Variants in ZNF845 observed in about 807,000 individuals in gnomAD.
ZNF845 encodes zinc finger protein 845.
A neutral mutation model predicts 76.1 loss-of-function variants in ZNF845; 59 were observed. That is an observed-to-expected ratio of 0.78 (90% CI 0.63 to 0.96). ZNF845 has a LOEUF of 0.96. ZNF845 is among the 40% of genes least tolerant of loss of function. The probability of loss-of-function intolerance (pLI) is 0.00; values close to 1 mark genes in which losing one functional copy is unlikely to be tolerated. For synonymous variants in ZNF845, 361 were observed against 386.9 expected (o/e 0.93, Z 0.78); for missense variants, 1,045 against 1,172.8 (o/e 0.89, Z 1.59).
intron 1 of ZNF845, chr19:53,340,730 A>C: frequency 3.4e-6 from 1 of 293,838 alleles, no homozygotes; most frequent in Non-Finnish European, 6.2e-6. Context: ...GTGGGAGAAA[A>C]ATGTTAGAAG....
In ZNF845 at chr19:53,351,959, C is replaced by T. The variant is rs775996236; in HGVS notation, c.1284C>T (p.Tyr428=). Residue 428 remains tyrosine, a synonymous_variant, in exon 4 of 4, where the codon TAC becomes TAT. Transcript: ENST00000458035. ...TCAGTCAGATGTCATCCCTTGTATACCATCGTAGACTTCATACTGGAGAGA... is the reference window on the plus strand; with the variant it reads ...TCAGTCAGATGTCATCCCTTGTATATCATCGTAGACTTCATACTGGAGAGA... ...KTFSQMSSLV[Y]HRRLHTGEKP... The T allele has an allele frequency of 1.9e-6, 3 of 1,613,600 alleles. No homozygotes were observed. In the Admixed American group the frequency reaches 5.0e-5, roughly 27 times the overall value.
Position 53,355,160 on chromosome 19 carries a change from C to T in ZNF845, c.*1572C>T, listed in dbSNP as rs2085376019. 6.6e-6 allele frequency: 1 copy of T among 151,958 alleles called. No individual in the cohort carries two copies. Among genetic ancestry groups the T allele is most frequent in the Non-Finnish European group, 1.5e-5 (1 of 68,028 alleles). 9.4% of individuals were successfully genotyped at this position (151,958 alleles called of 1,614,324 possible). On this transcript the variant is annotated 3_prime_UTR_variant, in exon 4 of 4. Transcript: ENST00000458035. ...CTCCTGACTTCAGGTGATCCGCCCC[C>T]ATCAGCATCCCAAAGTTCTGGGATT...
chr19:53,337,828 A>T (rs1160268783), intron 1 of ZNF845, among the ~76,000 whole-genome samples: 1 of 151,198 alleles, frequency 6.6e-6, no homozygotes, highest in African/African-American at 2.5e-5. Flanking sequence ...GGCCTCCCAG[A>T]GTGCTAGGGT....
Position 53,353,645 on chromosome 19 carries a change from G to GAATTC in ZNF845, c.*59_*63dup, listed in dbSNP as rs1406909386. ...GTAAATCAAGTCTTGAAAGACAGGA[G>GAATTC]AATTCATACTGGAGAGAAAGCTTAC... On this transcript the variant is annotated 3_prime_UTR_variant, in exon 4 of 4. Transcript: ENST00000458035. 22 of 1,525,450 alleles carry GAATTC rather than the reference G, an allele frequency of 1.4e-5. No individual in the cohort carries two copies. Among genetic ancestry groups the GAATTC allele is most frequent in the African/African-American group, 2.8e-5 (2 of 71,714 alleles). 94.5% of individuals were successfully genotyped at this position (1,525,450 alleles called of 1,614,324 possible). A position where few individuals can be genotyped will look rare whatever the true frequency, so the allele number is the denominator to read the frequency against.
At chr19:53,342,489 C>T (rs1368562023) in intron 2 of ZNF845, among the ~76,000 whole-genome samples, 10 of 152,042 alleles carry the variant, frequency 6.6e-5, no homozygotes, top group African/African-American at 2.4e-4. Flanking sequence ...TGGTAAAACT[C>T]GAAGGAAAGC....
intron 3 of ZNF845, among the ~76,000 whole-genome samples, chr19:53,350,277 G>A (rs1311377481): frequency 6.6e-6 from 1 of 152,068 alleles, no homozygotes; most frequent in Non-Finnish European, 1.5e-5. Flanking sequence ...GGGACTACAG[G>A]CATGGGCCAC....
chr19:53,343,039 G>A (rs1000374760), intron 2 of ZNF845, among the ~76,000 whole-genome samples: 11 of 152,110 alleles, frequency 7.2e-5, no homozygotes, highest in African/African-American at 2.7e-4. Flanking sequence ...GGCTGGTCTT[G>A]AACTCCTGAC....
intron 1 of ZNF845, 55 bp downstream of exon 1, chr19:53,333,847 C>G (rs563673842): frequency 7.0e-5 from 11 of 157,896 alleles, no homozygotes; most frequent in African/African-American, 2.4e-4. Context: ...CCCGGCGCTT[C>G]TGTACCTGGG....
chr19:53,351,178 T>C lies in ZNF845; in HGVS notation c.503T>C (p.Ile168Thr), dbSNP rs1262516471. ...ATTGGTAATCAAGTTGAGAAGTCTA[T>C]CAACAGTGCTTCGTTGGTTTCAACA... is the stretch of plus-strand genomic sequence containing the variant. ...GKIGNQVEKSINSASLVSTSQ... is the reference protein window; with the variant it reads ...GKIGNQVEKSTNSASLVSTSQ... Residue 168 changes from isoleucine to threonine, a missense_variant, in exon 4 of 4, where the codon ATC becomes ACC. Ile to Thr is a moderately conservative substitution (Grantham distance 89). Transcript: ENST00000458035. The C allele has an allele frequency of 4.3e-6, 7 of 1,614,120 alleles. No homozygotes were observed. In the Admixed American group the frequency reaches 5.0e-5, roughly 12 times the overall value.
In ZNF845 at chr19:53,353,263, A is replaced by C. The variant is rs898187230; in HGVS notation, c.2588A>C (p.Glu863Ala). ...HTGEKPYKCS[E>A]CGKVFNRKAN... Reference sequence around the variant, plus strand: ...GGAGAAAAACCTTACAAGTGTAGTGAATGTGGCAAGGTTTTTAATAGAAAA... The same window carrying C: ...GGAGAAAAACCTTACAAGTGTAGTGCATGTGGCAAGGTTTTTAATAGAAAA... The change falls in exon 4 of 4, where the codon GAA (glutamate) becomes GCA (alanine). Residue 863 changes from glutamate to alanine, a missense_variant. Coordinates refer to ENST00000458035, the MANE Select transcript of ZNF845 (RefSeq NM_138374.3). 6.2e-6 allele frequency: 10 copies of C among 1,613,814 alleles called. No homozygotes were observed. In the African/African-American group the frequency reaches 1.3e-4, roughly 22 times the overall value.
rs764522345 is a variant in ZNF845 at position 53,353,553 on chromosome 19, C to T, written c.2878C>T (p.Arg960Cys). Residue 960 changes from arginine (R) to cysteine (C), a missense_variant, in exon 4 of 4, where the codon CGT becomes TGT. Physicochemically the swap from Arg to Cys is radical, Grantham distance 180. Coordinates refer to ENST00000458035, the MANE Select transcript of ZNF845 (RefSeq NM_138374.3). ...TTTTAATCGAAAAGCAAAACTTGCA[C>T]GTCATCATAGAATTCATACTGGAAA... Reference protein sequence around the residue: ...KVFNRKAKLARHHRIHTGKKH With the variant: ...KVFNRKAKLACHHRIHTGKKH 14 of 1,607,424 alleles carry T rather than the reference C, an allele frequency of 8.7e-6. No homozygotes were observed. The highest frequency in any genetic ancestry group is 1.3e-5 in the African/African-American group (1 of 74,646).
rs751449814 is a variant in ZNF845 at position 53,352,131 on chromosome 19, C to A, written c.1456C>A (p.Arg486Ser). The A allele has an allele frequency of 6.2e-7, 1 of 1,613,510 alleles. No individual in the cohort carries two copies. The highest frequency in any genetic ancestry group is 1.1e-5 in the South Asian group (1 of 91,046). Reference protein sequence around the residue: ...FSQTSSLVYHRRLHTGEKPYK... With the variant: ...FSQTSSLVYHSRLHTGEKPYK... ...TCAGACATCATCCCTTGTATACCAT[C>A]GTAGACTTCATACTGGAGAGAAACC... Residue 486 changes from arginine (R) to serine (S), a missense_variant, in exon 4 of 4, where the codon CGT becomes AGT. Arg to Ser is a moderately radical substitution (Grantham distance 110). Transcript: ENST00000458035.
At chr19:53,336,586 ATTTTCTTTT>A (rs2085215360) in intron 1 of ZNF845, among the ~76,000 whole-genome samples, 1 of 117,682 alleles carries the variant, frequency 8.5e-6, no homozygotes, top group African/African-American at 3.3e-5. Flanking sequence ...TGTGTAACAT[ATTTTCTTTT>A]TTTTCTTTCT....
intron 1 of ZNF845, among the ~76,000 whole-genome samples, chr19:53,334,724 G>GAC (rs1555821200): frequency 1.5e-5 from 1 of 66,528 alleles, no homozygotes; most frequent in Non-Finnish European, 3.0e-5. Flanking sequence ...AAAATAGTGA[G>GAC]ACCCCCCCCC....
chr19:53,347,071 CAG>C (rs1239839088), intron 3 of ZNF845, among the ~76,000 whole-genome samples: 1 of 151,428 alleles, frequency 6.6e-6, no homozygotes, highest in Non-Finnish European at 1.5e-5. Flanking sequence ...TTAGTAGAGA[CAG>C]GGTTTCTCCT....
rs398035035 is a variant in ZNF845 at position 53,336,633 on chromosome 19, C to CTT, written c.-74+2860_-74+2861dup. Reference sequence around the variant, plus strand: ...TTCCTCTTCCTTCCTTTCTTTCTTTCTTTTTTTTTTTTTTTTTTTTGCAGT... The same window carrying CTT: ...TTCCTCTTCCTTCCTTTCTTTCTTTCTTTTTTTTTTTTTTTTTTTTTTGCAGT... On this transcript the variant is annotated intron_variant, in intron 1 of 3. Coordinates refer to ENST00000458035, the MANE Select transcript of ZNF845 (RefSeq NM_138374.3). Among the ~76,000 whole-genome samples the CTT allele has an allele frequency of 3.5e-3, 321 of 92,402 alleles. 3 individuals are homozygous for CTT. Among genetic ancestry groups the CTT allele is most frequent in the African/African-American group, 9.6e-3 (212 of 21,986 alleles). The allele number at this position is 92,402 out of a possible 152,430, so 60.6% of individuals were successfully genotyped here.
chr19:53,353,568 C>T lies in ZNF845; in HGVS notation c.2893C>T (p.His965Tyr). 6.3e-7 allele frequency: 1 copy of T among 1,598,964 alleles called. No homozygotes were observed. Among genetic ancestry groups the T allele is most frequent in the Non-Finnish European group, 8.5e-7 (1 of 1,172,298 alleles). ...KAKLARHHRI[H>Y]TGKKH ...AAAACTTGCACGTCATCATAGAATT[C>T]ATACTGGAAAGAAACATTAGAAATA... is the stretch of plus-strand genomic sequence containing the variant. Residue 965 changes from histidine (H) to tyrosine (Y), a missense_variant, in exon 4 of 4, where the codon CAT (histidine) becomes TAT (tyrosine). His to Tyr is a moderately conservative substitution (Grantham distance 83). Transcript: ENST00000458035.
intron 2 of ZNF845, among the ~76,000 whole-genome samples, chr19:53,344,595 T>TTTTA (rs1555822536): frequency 1.1e-3 from 141 of 131,430 alleles, no homozygotes; most frequent in Non-Finnish European, 2.0e-3. Flanking sequence ...TTGATTTTTA[T>TTTTA]TTTATTTTAT....
chr19:53,342,366 CT>C (rs34753780), intron 2 of ZNF845, among the ~76,000 whole-genome samples: 2,137 of 152,280 alleles, frequency 0.014, 22 homozygotes, highest in Non-Finnish European at 0.023. Context: ...ATCTGCCTGC[CT>C]CAGCCTCCCA....
Sources: gnomAD v4.1 joint callset for allele counts (sites outside exome capture counted in the v4.1 genomes callset) on GRCh38, gnomAD v4.1.1 for gene constraint, MANE v1.5 for transcripts, NCBI Gene and HGNC (gene_info 2026-07-23, HGNC 2026-07-21) for gene names.